The following DPP6 variants were observed in gnomAD, a reference collection of about 807,000 sequenced individuals.
DPP6 encodes dipeptidyl peptidase like 6.
A neutral mutation model predicts 122.6 loss-of-function variants in DPP6; 69 were observed. That is an observed-to-expected ratio of 0.56 (90% CI 0.46 to 0.69). The LOEUF (loss-of-function observed/expected upper bound fraction) is 0.69, where lower values mean the gene tolerates loss of function less well. Ranked by LOEUF, DPP6 falls within the 30% of genes least tolerant of loss-of-function variation. The probability of loss-of-function intolerance (pLI) is 0.00; values close to 1 mark genes in which losing one functional copy is unlikely to be tolerated. For missense variants in DPP6, 928 were observed against 1,116.9 expected (o/e 0.83, Z 2.41); for synonymous variants, 418 against 433.1 (o/e 0.97, Z 0.43).
chr7:154,437,808 C>T (rs189124047), intron 1 of DPP6, among the ~76,000 whole-genome samples: 8 of 152,050 alleles, frequency 5.3e-5, no homozygotes, highest in South Asian at 2.1e-4. Context: ...CGGTGGTGGA[C>T]GCCTGTAATC....
chr7:153,893,189 A>G (rs894471709), intron 1 of DPP6, among the ~76,000 whole-genome samples: 4 of 152,216 alleles, frequency 2.6e-5, no homozygotes, highest in African/African-American at 9.6e-5. Flanking sequence ...TCTTTAGTTC[A>G]TATATCCACT....
At chr7:154,219,129 A>G (rs903728930) in intron 1 of DPP6, among the ~76,000 whole-genome samples, 5 of 152,172 alleles carry the variant, frequency 3.3e-5, no homozygotes, top group Admixed American at 3.3e-4. Context: ...TGGTGGGGAG[A>G]AAAGGTCTGT....
intron 1 of DPP6, among the ~76,000 whole-genome samples, chr7:154,327,245 T>G (rs1433913650): frequency 6.6e-6 from 1 of 152,106 alleles, no homozygotes; most frequent in African/African-American, 2.4e-5. Flanking sequence ...TTAGAATTAT[T>G]AGGGTAAAAA....
intron 7 of DPP6, among the ~76,000 whole-genome samples, chr7:154,711,709 C>T (rs1322023298): frequency 6.6e-6 from 1 of 152,110 alleles, no homozygotes; most frequent in Non-Finnish European, 1.5e-5. Flanking sequence ...TTGTCAAATA[C>T]TGAGCTATGC....
chr7:154,292,781 T>C (rs1276232922), intron 1 of DPP6, among the ~76,000 whole-genome samples: 3 of 152,200 alleles, frequency 2.0e-5, no homozygotes, highest in Non-Finnish European at 4.4e-5. Context: ...CAATAGCTCA[T>C]AGGAAATCGC....
intron 1 of DPP6, among the ~76,000 whole-genome samples, chr7:154,157,457 A>G (rs1333753799): frequency 6.6e-6 from 1 of 152,186 alleles, no homozygotes; most frequent in Non-Finnish European, 1.5e-5. Flanking sequence ...TCTTTTTCAA[A>G]GTAATGTATG....
chr7:154,015,504 G>C (rs1023067126), intron 1 of DPP6, among the ~76,000 whole-genome samples: 3 of 152,034 alleles, frequency 2.0e-5, no homozygotes, highest in South Asian at 2.1e-4. Context: ...TCTAACATGT[G>C]CTCGCTTACA....
intron 1 of DPP6, among the ~76,000 whole-genome samples, chr7:154,375,211 T>A (rs1223863833): frequency 6.6e-6 from 1 of 151,792 alleles, no homozygotes; most frequent in Non-Finnish European, 1.5e-5. Context: ...GGGAGTGGAT[T>A]ATGAAGAGTG....
chr7:153,766,020 C>G, the DPP6 span, among the ~76,000 whole-genome samples: 2 of 152,238 alleles, frequency 1.3e-5, no homozygotes, highest in Non-Finnish European at 2.9e-5. Context: ...GGTGCTGATG[C>G]TGCTGGTCCT....
intron 16 of DPP6, among the ~76,000 whole-genome samples, chr7:154,840,134 A>T (rs1464926286): frequency 1.3e-5 from 2 of 152,184 alleles, no homozygotes; most frequent in Non-Finnish European, 2.9e-5. Flanking sequence ...TATCACAGGT[A>T]GCGCCCACCA....
intron 3 of DPP6, among the ~76,000 whole-genome samples, chr7:154,532,004 T>G (rs58038435): frequency 6.6e-5 from 10 of 151,936 alleles, no homozygotes; most frequent in African/African-American, 1.9e-4. Flanking sequence ...GAGGAGACAC[T>G]TAGAAAACAA....
At chr7:153,945,235 T>G (rs973749548) in intron 1 of DPP6, among the ~76,000 whole-genome samples, 2 of 152,214 alleles carry the variant, frequency 1.3e-5, no homozygotes, top group Non-Finnish European at 2.9e-5. Context: ...ATTGTGCATC[T>G]GCTTTCTTCT....
At chr7:153,765,036 A>G in the DPP6 span, among the ~76,000 whole-genome samples, 2 of 151,800 alleles carry the variant, frequency 1.3e-5, no homozygotes, top group African/African-American at 4.8e-5. Flanking sequence ...CCTTTTCCTG[A>G]CCCAGTTGCA....
chr7:154,385,770 G>A (rs940687732), intron 1 of DPP6, among the ~76,000 whole-genome samples: 8 of 152,112 alleles, frequency 5.3e-5, no homozygotes, highest in South Asian at 4.1e-4. Context: ...TGGTCTCAGC[G>A]AGTATTCACA....
intron 1 of DPP6, among the ~76,000 whole-genome samples, chr7:154,312,634 C>T (rs540700060): frequency 2.0e-5 from 3 of 152,232 alleles, no homozygotes; most frequent in South Asian, 2.1e-4. Context: ...GCAGAGGGGG[C>T]GATGGGAGAC....
chr7:154,830,454 A>G (rs1800545600), intron 16 of DPP6, among the ~76,000 whole-genome samples: 1 of 152,252 alleles, frequency 6.6e-6, no homozygotes, highest in African/African-American at 2.4e-5. Context: ...GTAGATTGAG[A>G]TAAGTAGAGC....
chr7:153,915,011 C>T (rs1189462359), intron 1 of DPP6, among the ~76,000 whole-genome samples: 2 of 152,176 alleles, frequency 1.3e-5, no homozygotes, highest in African/African-American at 2.4e-5. Context: ...TTTAAGCTTT[C>T]CTTAAAGGGA....
intron 16 of DPP6, among the ~76,000 whole-genome samples, chr7:154,850,963 G>A (rs1450895642): frequency 6.6e-6 from 1 of 152,172 alleles, no homozygotes; most frequent in Non-Finnish European, 1.5e-5. Flanking sequence ...AGATATACAT[G>A]CAACCATTTT....
chr7:153,989,349 G>A (rs555758097), intron 1 of DPP6, among the ~76,000 whole-genome samples: 1 of 150,790 alleles, frequency 6.6e-6, no homozygotes, highest in East Asian at 2.0e-4. Flanking sequence ...GCAAGTGTGT[G>A]AGTGTGGGGG....
Sources: allele counts gnomAD v4.1 joint callset (sites outside exome capture counted in the v4.1 genomes callset), GRCh38; gene constraint gnomAD v4.1.1; transcripts MANE v1.5; gene names NCBI Gene and HGNC (gene_info 2026-07-23, HGNC 2026-07-21).